SETD3: variants seen among roughly 807,000 people sequenced by gnomAD.
SETD3 encodes actin-histidine N-methyltransferase.
A neutral mutation model predicts 63.0 loss-of-function variants in SETD3; 19 were observed. The observed-to-expected ratio is 0.30, with a 90% CI of 0.21 to 0.44. The LOEUF is 0.44. SETD3 is among the 20% of genes least tolerant of loss of function. The pLI, the probability that SETD3 is intolerant of heterozygous loss-of-function variation, is 1.00. For synonymous variants in SETD3, 286 were observed against 264.1 expected (o/e 1.08, Z -0.80); for missense variants, 587 against 728.5 (o/e 0.81, Z 2.24).
At chr14:99,480,374 G>A (rs1360916742) in intron 1 of SETD3, among the ~76,000 whole-genome samples, 1 of 151,948 alleles carries the variant, frequency 6.6e-6, no homozygotes, top group Non-Finnish European at 1.5e-5. Flanking sequence ...CGGGGAGAGC[G>A]CTGCCTGCAC....
At chr14:99,415,823 C>T (rs1277007539) in intron 6 of SETD3, among the ~76,000 whole-genome samples, 4 of 152,188 alleles carry the variant, frequency 2.6e-5, no homozygotes, top group Admixed American at 1.3e-4. Context: ...GTGACACTAA[C>T]GGAGAAAGGA....
chr14:99,436,297 A>C (rs1386817721), intron 6 of SETD3, among the ~76,000 whole-genome samples: 1 of 152,156 alleles, frequency 6.6e-6, no homozygotes, highest in Admixed American at 6.5e-5. Context: ...AAAGTTCATC[A>C]AACAGCTTGT....
At chr14:99,472,096 G>T (rs902057507) in intron 1 of SETD3, among the ~76,000 whole-genome samples, 2 of 152,210 alleles carry the variant, frequency 1.3e-5, no homozygotes, top group African/African-American at 4.8e-5. Context: ...GCTGCACAAC[G>T]TCTCTCTGCC....
At chr14:99,430,182 G>A (rs947101969) in intron 6 of SETD3, among the ~76,000 whole-genome samples, 1 of 152,202 alleles carries the variant, frequency 6.6e-6, no homozygotes, top group East Asian at 1.9e-4. Context: ...GAAGAGTAAA[G>A]AAAGATCTCT....
At chr14:99,400,386 G>A in intron 11 of SETD3, 127 bp from the exon 12 acceptor site, 6 of 1,011,008 alleles carry the variant, frequency 5.9e-6, no homozygotes, top group Middle Eastern at 2.2e-4. Flanking sequence ...CTGTCCCTAC[G>A]CAATGGGCCA....
intron 2 of SETD3, among the ~76,000 whole-genome samples, 200 bp from the exon 3 acceptor site, chr14:99,463,778 C>G (rs1470851846): frequency 6.6e-6 from 1 of 152,146 alleles, no homozygotes; most frequent in Non-Finnish European, 1.5e-5. Context: ...AACCCTGGGG[C>G]ATCATAAAAA....
intron 6 of SETD3, among the ~76,000 whole-genome samples, chr14:99,431,269 C>T (rs1370973732): frequency 1.3e-5 from 2 of 152,170 alleles, no homozygotes; most frequent in African/African-American, 4.8e-5. Context: ...CCAATCTTTC[C>T]AATACCAACC....
At chr14:99,446,017 G>A (rs768066327) in intron 6 of SETD3, among the ~76,000 whole-genome samples, 6 of 152,214 alleles carry the variant, frequency 3.9e-5, no homozygotes, top group Non-Finnish European at 5.9e-5. Context: ...ATCACAGAAC[G>A]GGACAGGCCT....
intron 1 of SETD3, among the ~76,000 whole-genome samples, chr14:99,467,783 G>A (rs1895473218): frequency 6.6e-6 from 1 of 152,114 alleles, no homozygotes; most frequent in South Asian, 2.1e-4. Flanking sequence ...CCTGGGACAG[G>A]GCTGTTCTGC....
chr14:99,463,993 C>T (rs544269783), intron 2 of SETD3, among the ~76,000 whole-genome samples: 8 of 152,304 alleles, frequency 5.3e-5, no homozygotes, highest in African/African-American at 1.9e-4. Context: ...TAAAAGTCAA[C>T]CTTTCTTTTT....
At chr14:99,477,144 T>C (rs1289744453) in intron 1 of SETD3, among the ~76,000 whole-genome samples, 1 of 152,218 alleles carries the variant, frequency 6.6e-6, no homozygotes, top group East Asian at 1.9e-4. Context: ...CAAGACTGTT[T>C]GGACTCACTA....
chr14:99,430,964 C>G (rs1426593730), intron 6 of SETD3, among the ~76,000 whole-genome samples: 1 of 152,240 alleles, frequency 6.6e-6, no homozygotes, highest in Non-Finnish European at 1.5e-5. Context: ...TGAGTGCCTA[C>G]TGTGTGCCAG....
chr14:99,428,462 G>A (rs1893002058), intron 6 of SETD3, among the ~76,000 whole-genome samples: 1 of 152,092 alleles, frequency 6.6e-6, no homozygotes, highest in African/African-American at 2.4e-5. Context: ...CTGGGCAGCA[G>A]GGCAAAACTC....
At chr14:99,445,505 C>T (rs1056057711) in intron 6 of SETD3, among the ~76,000 whole-genome samples, 2 of 152,236 alleles carry the variant, frequency 1.3e-5, no homozygotes, top group African/African-American at 4.8e-5. Context: ...TAACCCCTTC[C>T]TCCTTTTTGT....
At chr14:99,421,639 A>G (rs1892601654) in intron 6 of SETD3, among the ~76,000 whole-genome samples, 1 of 152,142 alleles carries the variant, frequency 6.6e-6, no homozygotes. Context: ...AGCAGTCATC[A>G]TTTGCTGAGC....
intron 6 of SETD3, among the ~76,000 whole-genome samples, chr14:99,453,377 A>G (rs780435439): frequency 1.8e-4 from 28 of 152,246 alleles, no homozygotes; most frequent in Non-Finnish European, 4.0e-4. Context: ...TTTTAAAAAG[A>G]TAATTTTTGC....
At chr14:99,459,082 T>C (rs764154381) in intron 5 of SETD3, 31 bp downstream of exon 5, 24 of 1,538,830 alleles carry the variant, frequency 1.6e-5, no homozygotes, top group Non-Finnish European at 2.0e-5. Flanking sequence ...TCATTTGTGC[T>C]TTGCCTTGAA....
intron 8 of SETD3, among the ~76,000 whole-genome samples, chr14:99,408,193 T>C (rs1891789241): frequency 1.3e-5 from 2 of 152,178 alleles, no homozygotes; most frequent in African/African-American, 2.4e-5. Flanking sequence ...TTAAACTCAA[T>C]ATCCCAAGAA....
upstream of SETD3, chr14:99,481,603 C>T (rs2139840361): frequency 5.1e-6 from 2 of 394,562 alleles, no homozygotes; most frequent in East Asian, 3.6e-5. Context: ...TGCCTCCCTC[C>T]GCTAACCTCC....
Sources: allele counts gnomAD v4.1 joint callset (sites outside exome capture counted in the v4.1 genomes callset), GRCh38; gene constraint gnomAD v4.1.1; transcripts MANE v1.5; gene names NCBI Gene and HGNC (gene_info 2026-07-23, HGNC 2026-07-21).